AFF3: variants seen among roughly 807,000 people sequenced by gnomAD.
AFF3 encodes the protein ALF transcription elongation factor 3.
Under a neutral mutation model 129.7 loss-of-function variants are expected in AFF3, and 32 were observed. That is an observed-to-expected ratio of 0.25 (90% CI 0.19 to 0.33). The LOEUF is 0.33. Among genes scored for constraint, AFF3 ranks in the 10% least tolerant of loss-of-function variants. The pLI, the probability that AFF3 is intolerant of heterozygous loss-of-function variation, is 1.00. For missense variants in AFF3, 1,373 were observed against 1,592.0 expected (o/e 0.86, Z 2.34); for synonymous variants, 644 against 635.4 (o/e 1.01, Z -0.20).
intron 5 of AFF3, 42 bp downstream of exon 5, chr2:100,008,770 A>C (rs1279781818): frequency 6.2e-7 from 1 of 1,602,074 alleles, no homozygotes; most frequent in Non-Finnish European, 8.5e-7. Flanking sequence ...GGAGTGAGAG[A>C]AACAAGTGAG....
chr2:99,998,231 G>A (rs1488804796), intron 7 of AFF3, among the ~76,000 whole-genome samples: 10 of 152,160 alleles, frequency 6.6e-5, no homozygotes, highest in Non-Finnish European at 1.5e-5. Flanking sequence ...GAAATCCCAG[G>A]GGCATGACCA....
At chr2:99,960,819 C>A (rs566318885) in intron 7 of AFF3, among the ~76,000 whole-genome samples, 1 of 152,246 alleles carries the variant, frequency 6.6e-6, no homozygotes, top group African/African-American at 2.4e-5. Context: ...AAGAGGAAGG[C>A]GTTCCAGGAC....
chr2:99,911,343 G>A (rs1370035656), intron 7 of AFF3, among the ~76,000 whole-genome samples: 2 of 151,564 alleles, frequency 1.3e-5, no homozygotes, highest in African/African-American at 4.9e-5. Flanking sequence ...GGCCGAGATC[G>A]TGCCACTGCA....
intron 11 of AFF3, among the ~76,000 whole-genome samples, chr2:99,712,470 G>A (rs1389834730): frequency 2.6e-5 from 4 of 152,208 alleles, no homozygotes; most frequent in African/African-American, 7.2e-5. Context: ...CCCAGTGCAT[G>A]CCATTTCCTT....
intron 7 of AFF3, among the ~76,000 whole-genome samples, chr2:99,978,272 G>A (rs930233015): frequency 1.2e-4 from 19 of 152,146 alleles, no homozygotes; most frequent in Admixed American, 3.9e-4. Context: ...GGATAAACAT[G>A]TTTATATGTG....
chr2:100,019,848 C>G (rs1425882963), intron 4 of AFF3, among the ~76,000 whole-genome samples: 1 of 152,110 alleles, frequency 6.6e-6, no homozygotes, highest in Non-Finnish European at 1.5e-5. Flanking sequence ...TTTCTCCTCC[C>G]CAGGCTAACT....
At chr2:99,897,588 C>T (rs931408673) in intron 7 of AFF3, among the ~76,000 whole-genome samples, 9 of 152,278 alleles carry the variant, frequency 5.9e-5, no homozygotes, top group South Asian at 2.1e-4. Context: ...TTTCAAAACC[C>T]GGCTTCTTAT....
intron 4 of AFF3, among the ~76,000 whole-genome samples, chr2:100,058,365 G>C (rs921481212): frequency 6.6e-6 from 1 of 152,014 alleles, no homozygotes; most frequent in African/African-American, 2.4e-5. Context: ...CTCCAAACTA[G>C]TTTTTGAGAC....
chr2:99,627,078 T>G (rs997914811), intron 13 of AFF3, among the ~76,000 whole-genome samples: 1 of 152,202 alleles, frequency 6.6e-6, no homozygotes, highest in African/African-American at 2.4e-5. Context: ...TGATTTATAT[T>G]CCTTTGGGTA....
At chr2:99,825,429 G>C (rs1186420060) in intron 8 of AFF3, among the ~76,000 whole-genome samples, 1 of 152,058 alleles carries the variant, frequency 6.6e-6, no homozygotes, top group East Asian at 1.9e-4. Flanking sequence ...AATAACAGAG[G>C]ACACTGTATG....
intron 2 of AFF3, among the ~76,000 whole-genome samples, chr2:100,122,055 C>T (rs1010542767): frequency 4.6e-5 from 7 of 152,078 alleles, no homozygotes; most frequent in Non-Finnish European, 7.4e-5. Flanking sequence ...GGTGACAGAG[C>T]GAGACTCCGT....
chr2:99,803,823 A>T (rs1686139031), intron 8 of AFF3, among the ~76,000 whole-genome samples: 1 of 152,136 alleles, frequency 6.6e-6, no homozygotes, highest in African/African-American at 2.4e-5. Context: ...CAAAAACATA[A>T]ATTGGAAAAA....
chr2:99,716,173 G>C (rs1182758561), intron 11 of AFF3, among the ~76,000 whole-genome samples: 1 of 152,118 alleles, frequency 6.6e-6, no homozygotes, highest in African/African-American at 2.4e-5. Flanking sequence ...TGGAATCTTG[G>C]AAATCTTCAT....
intron 20 of AFF3, 122 bp downstream of exon 20, chr2:99,565,365 G>A: frequency 2.9e-6 from 4 of 1,391,656 alleles, no homozygotes; most frequent in Non-Finnish European, 3.9e-6. Context: ...TCTTATTTTG[G>A]GGGGATGAAC....
intron 8 of AFF3, among the ~76,000 whole-genome samples, chr2:99,762,918 GTTC>G (rs1185437014): frequency 2.6e-5 from 4 of 152,224 alleles, no homozygotes; most frequent in Non-Finnish European, 4.4e-5. Flanking sequence ...CAGCTTTTCA[GTTC>G]TTCTCACACG....
intron 7 of AFF3, among the ~76,000 whole-genome samples, chr2:99,979,106 T>C (rs958720308): frequency 5.4e-5 from 8 of 148,578 alleles, no homozygotes; most frequent in Non-Finnish European, 1.1e-4. Context: ...ATTGTATTAA[T>C]AGATATATTT....
chr2:99,741,761 A>G (rs563954265), intron 10 of AFF3, among the ~76,000 whole-genome samples: 9 of 152,112 alleles, frequency 5.9e-5, no homozygotes, highest in Non-Finnish European at 1.0e-4. Context: ...CGCATCGCCA[A>G]GTCAATCCTA....
Position 99,593,561 on chromosome 2 carries a change from G to A in AFF3, c.2100C>T (p.Ala700=). ...LSKAQTVAAS[A]SSGNDQRLKE... ...TCAGCCTCTGATCATTCCCGGAGGA[G>A]GCAGAGGCAGCCACGGTCTGTGCTT... Residue 700 remains alanine, a synonymous_variant, in exon 15 of 25, where the codon GCC becomes GCT. Transcript: ENST00000672756. The A allele has an allele frequency of 9.9e-6, 16 of 1,613,304 alleles. No homozygotes were observed. Among genetic ancestry groups the A allele is most frequent in the Admixed American group, 1.7e-5 (1 of 60,032 alleles).
At chr2:100,001,335 C>T (rs1036077464) in intron 7 of AFF3, among the ~76,000 whole-genome samples, 4 of 152,208 alleles carry the variant, frequency 2.6e-5, no homozygotes, top group Non-Finnish European at 4.4e-5. Flanking sequence ...TACATTTTAA[C>T]GCACTTTCTT....
Sources: gnomAD v4.1 joint callset for allele counts (sites outside exome capture counted in the v4.1 genomes callset) on GRCh38, gnomAD v4.1.1 for gene constraint, MANE v1.5 for transcripts, NCBI Gene and HGNC (gene_info 2026-07-23, HGNC 2026-07-21) for gene names.